MOB3B: variants seen among roughly 807,000 people sequenced by gnomAD.
MOB3B encodes MOB kinase activator 3B, also known as MOB kinase activator-like 2B.
In MOB3B, 7 loss-of-function variants were observed where a neutral mutation model predicts 18.7. That is an observed-to-expected ratio of 0.37 (90% confidence interval 0.21 to 0.70). The LOEUF (loss-of-function observed/expected upper bound fraction) is 0.70, where lower values mean the gene tolerates loss of function less well. Ranked by LOEUF, MOB3B falls within the 30% of genes least tolerant of loss-of-function variation. MOB3B has a pLI of 0.52. For synonymous variants in MOB3B, 111 were observed against 99.9 expected (o/e 1.11, Z -0.66); for missense variants, 253 against 281.3 (o/e 0.90, Z 0.72).
intron 1 of MOB3B, among the ~76,000 whole-genome samples, chr9:27,487,861 A>C (rs1819754474): frequency 6.6e-6 from 1 of 151,974 alleles, no homozygotes; most frequent in South Asian, 2.1e-4. Flanking sequence ...CCTTCTCTTA[A>C]CTTGGTCTTG....
At chr9:27,426,172 T>G (rs967489457) in intron 2 of MOB3B, among the ~76,000 whole-genome samples, 1 of 152,180 alleles carries the variant, frequency 6.6e-6, no homozygotes, top group Non-Finnish European at 1.5e-5. Flanking sequence ...AGCCAGGAAG[T>G]GGCAAAACTG....
chr9:27,485,716 A>T (rs188560683), intron 1 of MOB3B, among the ~76,000 whole-genome samples: 2 of 152,312 alleles, frequency 1.3e-5, no homozygotes, highest in Admixed American at 1.3e-4. Flanking sequence ...CAGAATTACC[A>T]TGATATCAAT....
chr9:27,330,629 G>A lies in MOB3B; in HGVS notation c.622-13C>T. 6.2e-7 allele frequency: 1 copy of A among 1,614,064 alleles called. No homozygotes were observed. The highest frequency in any genetic ancestry group is 8.5e-7 in the Non-Finnish European group (1 of 1,179,988). On this transcript the variant is annotated splice_polypyrimidine_tract_variant and intron_variant, in intron 3 of 3. Transcript: ENST00000262244. ...TCGTCATTTCTTTCTGGAAAGCAAG[G>A]GGAAAAGGATGGTTAGGAGAAACTA...
At chr9:27,369,452 T>A (rs1821383250) in intron 2 of MOB3B, among the ~76,000 whole-genome samples, 1 of 152,238 alleles carries the variant, frequency 6.6e-6, no homozygotes, top group South Asian at 2.1e-4. Flanking sequence ...CTAAGCTTCC[T>A]TTCTTTACTC....
In MOB3B at chr9:27,509,988, G is replaced by C. The variant is rs530514013; in HGVS notation, c.-199+19567C>G. Among the ~76,000 whole-genome samples, 106 of 152,314 alleles carry C rather than the reference G, an allele frequency of 7.0e-4. 1 individual carries two copies. Among genetic ancestry groups the C allele is most frequent in the Admixed American group, 2.8e-3 (43 of 15,304 alleles). ...GATCCACCCACCTCGCTCTCCTAAA[G>C]TGCTGGGATTATAGGCATGAGCCAC... On this transcript the variant is annotated intron_variant, in intron 1 of 3. Coordinates refer to ENST00000262244, the MANE Select transcript of MOB3B (RefSeq NM_024761.5).
intron 2 of MOB3B, chr9:27,421,670 A>G (rs186052991): frequency 6.6e-6 from 1 of 152,318 alleles, no homozygotes; most frequent in Non-Finnish European, 1.5e-5. Context: ...TCTACCTCCA[A>G]CTTCCTCCAT....
At chr9:27,337,004 T>C (rs1048971077) in intron 3 of MOB3B, among the ~76,000 whole-genome samples, 1 of 152,200 alleles carries the variant, frequency 6.6e-6, no homozygotes, top group Non-Finnish European at 1.5e-5. Context: ...TAATCAGCAG[T>C]GCAGCCTCAG....
intron 2 of MOB3B, among the ~76,000 whole-genome samples, chr9:27,417,588 T>A (rs1430189578): frequency 6.6e-6 from 1 of 152,134 alleles, no homozygotes; most frequent in Non-Finnish European, 1.5e-5. Flanking sequence ...AAACACTTTC[T>A]AAGCCTCTCA....
intron 2 of MOB3B, among the ~76,000 whole-genome samples, chr9:27,393,768 C>A (rs944535854): frequency 5.3e-5 from 8 of 152,198 alleles, no homozygotes; most frequent in African/African-American, 1.9e-4. Context: ...AAGTCTTAAG[C>A]GAACACTTGC....
intron 1 of MOB3B, among the ~76,000 whole-genome samples, chr9:27,482,211 G>T (rs1173366388): frequency 6.6e-6 from 1 of 152,142 alleles, no homozygotes; most frequent in Non-Finnish European, 1.5e-5. Flanking sequence ...CTTATCATTT[G>T]GCTGAAGAGA....
chr9:27,395,368 C>T (rs538241886), intron 2 of MOB3B, among the ~76,000 whole-genome samples: 4 of 151,992 alleles, frequency 2.6e-5, no homozygotes, highest in Non-Finnish European at 4.4e-5. Flanking sequence ...AATCATTCCA[C>T]GATGTAAACA....
At chr9:27,444,238 GGGAA>G (rs1224881943) in intron 2 of MOB3B, among the ~76,000 whole-genome samples, 2,771 of 107,652 alleles carry the variant, frequency 0.026, 51 homozygotes, top group Non-Finnish European at 0.031. Context: ...GAGGGAGGGA[GGGAA>G]GGAAGGAAGG....
chr9:27,491,364 T>A (rs1271352462), intron 1 of MOB3B, among the ~76,000 whole-genome samples: 1 of 152,158 alleles, frequency 6.6e-6, no homozygotes, highest in Non-Finnish European at 1.5e-5. Flanking sequence ...ATGGGAGGCT[T>A]TGAAGTTGTG....
chr9:27,418,792 C>T (rs978538744), intron 2 of MOB3B, among the ~76,000 whole-genome samples: 13 of 152,244 alleles, frequency 8.5e-5, no homozygotes, highest in African/African-American at 3.1e-4. Context: ...AATGCCCACT[C>T]TCACCACTCC....
chr9:27,359,036 A>G lies in MOB3B; in HGVS notation c.619T>C (p.Leu207=). ...CATTATTTCATGGTGTCACTTACCA[A>G]AGGCTCTAGCTCCTTGCGGTCTATG... is the stretch of plus-strand genomic sequence containing the variant. ...NLIDRKELEP[L]KEMTSRMCH The change falls in exon 3 of 4, where the codon TTG becomes CTG. Residue 207 remains leucine, a splice_region_variant and synonymous_variant. Transcript: ENST00000262244. The G allele has an allele frequency of 6.2e-7, 1 of 1,614,120 alleles. No individual in the cohort carries two copies. The highest frequency in any genetic ancestry group is 8.5e-7 in the Non-Finnish European group (1 of 1,179,980).
chr9:27,527,892 T>C (rs1224388603), intron 1 of MOB3B, among the ~76,000 whole-genome samples: 1 of 152,166 alleles, frequency 6.6e-6, no homozygotes, highest in Non-Finnish European at 1.5e-5. Flanking sequence ...GAACACAATG[T>C]GTAAGCATCT....
chr9:27,475,899 T>C (rs772044320), intron 1 of MOB3B, among the ~76,000 whole-genome samples: 8 of 152,224 alleles, frequency 5.3e-5, no homozygotes, highest in Non-Finnish European at 1.0e-4. Context: ...CTGCCTCCAC[T>C]TCTGCTCCTC....
chr9:27,369,264 G>A (rs911942593), intron 2 of MOB3B, among the ~76,000 whole-genome samples: 17 of 152,132 alleles, frequency 1.1e-4, no homozygotes, highest in African/African-American at 3.6e-4. Context: ...ATGTAATATT[G>A]TGAGTATCCT....
In MOB3B at chr9:27,328,736, T is replaced by C. The variant is rs1180027627; in HGVS notation, c.*1851A>G. 3.9e-5 allele frequency: 6 copies of C among 152,444 alleles called. No homozygotes were observed. Among genetic ancestry groups the C allele is most frequent in the Admixed American group, 3.9e-4 (6 of 15,266 alleles). The allele number at this position is 152,444 out of a possible 1,614,324, so 9.4% of individuals were successfully genotyped here. On this transcript the variant is annotated 3_prime_UTR_variant, in exon 4 of 4. Transcript: ENST00000262244. ...TCTGTGCCACTGTGCTGCATTCCCA[T>C]CTGGTAACTGTGTATTGCAGAGGCT...
Sources: gnomAD v4.1 joint callset for allele counts (sites outside exome capture counted in the v4.1 genomes callset) on GRCh38, gnomAD v4.1.1 for gene constraint, MANE v1.5 for transcripts, NCBI Gene and HGNC (gene_info 2026-07-23, HGNC 2026-07-21) for gene names.